Variants in PIK3AP1 observed in about 807,000 individuals in gnomAD.
PIK3AP1 encodes phosphoinositide 3-kinase adapter protein 1.
Under a neutral mutation model 88.1 loss-of-function variants are expected in PIK3AP1, and 21 were observed. That is an observed-to-expected ratio of 0.24 (90% CI 0.17 to 0.34). The LOEUF (loss-of-function observed/expected upper bound fraction) is 0.34. PIK3AP1 is among the 10% of genes least tolerant of loss of function. PIK3AP1 has a pLI of 1.00. For missense variants in PIK3AP1, 828 were observed against 1,035.7 expected (o/e 0.80, Z 2.75); for synonymous variants, 398 against 400.0 (o/e 1.00, Z 0.06).
chr10:96,609,613 G>A, intron 14 of PIK3AP1, 99 bp downstream of exon 14: 17 of 1,385,606 alleles, frequency 1.2e-5, no homozygotes, highest in Non-Finnish European at 1.7e-5. Context: ...GGCCCCACTG[G>A]AGATCTCCTG....
At chr10:96,636,236 A>C (rs1428970433) in intron 8 of PIK3AP1, among the ~76,000 whole-genome samples, 1 of 151,994 alleles carries the variant, frequency 6.6e-6, no homozygotes, top group African/African-American at 2.4e-5. Context: ...AAATAAATAA[A>C]TAAAATAATA....
At chr10:96,666,693 T>C (rs185915846) in intron 2 of PIK3AP1, among the ~76,000 whole-genome samples, 148 of 152,122 alleles carry the variant, frequency 9.7e-4, no homozygotes, top group African/African-American at 3.4e-3. Flanking sequence ...AAGTTCCCAT[T>C]TGTTAAATAT....
rs778636699 is a variant in PIK3AP1, at chr10:96,651,628, G to A, written c.736C>T (p.Leu246=). ...ACTAAGTCTCCAGAATATATCTTCA[G>A]AGAAACGTTCCCAGATGAAAGGTCT... ...APNLSSGNVS[L]KIYSGDLVVC... is the part of the protein sequence containing the mutation. The change falls in exon 5 of 17, where the codon CTG becomes TTG. Residue 246 remains leucine (L), a synonymous_variant. Coordinates refer to ENST00000339364, the MANE Select transcript of PIK3AP1 (RefSeq NM_152309.3). 2.5e-5 allele frequency: 40 copies of A among 1,614,126 alleles called. No homozygotes were observed. The highest frequency in any genetic ancestry group is 3.4e-5 in the Non-Finnish European group (40 of 1,180,002).
chr10:96,674,082 G>A (rs975514540), intron 2 of PIK3AP1, among the ~76,000 whole-genome samples: 3 of 152,172 alleles, frequency 2.0e-5, no homozygotes, highest in African/African-American at 4.8e-5. Context: ...GCTTCTTGGC[G>A]AAGGGCTTAA....
chr10:96,707,627 C>T (rs923109215), intron 2 of PIK3AP1, among the ~76,000 whole-genome samples: 2 of 152,052 alleles, frequency 1.3e-5, no homozygotes, highest in Non-Finnish European at 2.9e-5. Context: ...CAATCTGTTA[C>T]AGCGTACAGT....
chr10:96,694,654 C>G (rs12258710), intron 2 of PIK3AP1, among the ~76,000 whole-genome samples: 68,906 of 151,054 alleles, frequency 0.46, 15,917 homozygotes, highest in Middle Eastern at 0.62. Context: ...CCACCTCAGT[C>G]TCTCAAGTAG....
At chr10:96,612,986 T>A (rs1179788975) in intron 13 of PIK3AP1, among the ~76,000 whole-genome samples, 32 of 32,752 alleles carry the variant, frequency 9.8e-4, no homozygotes, top group African/African-American at 3.1e-3. Flanking sequence ...ATATATATTT[T>A]TTTTTTTTTT....
At chr10:96,597,348 C>G (rs1274022314) in intron 16 of PIK3AP1, among the ~76,000 whole-genome samples, 1 of 12,876 alleles carries the variant, frequency 7.8e-5, no homozygotes, top group East Asian at 2.9e-3. Flanking sequence ...CCCTCCCTCC[C>G]TCCCTCCCTC....
intron 3 of PIK3AP1, among the ~76,000 whole-genome samples, chr10:96,654,833 T>A (rs1843592997): frequency 2.6e-5 from 4 of 152,074 alleles, no homozygotes; most frequent in Admixed American, 6.6e-5. Flanking sequence ...GAAAGTGGCA[T>A]GGGAAGATTT....
intron 2 of PIK3AP1, among the ~76,000 whole-genome samples, chr10:96,695,021 T>C (rs937491248): frequency 6.6e-6 from 1 of 152,184 alleles, no homozygotes; most frequent in African/African-American, 2.4e-5. Flanking sequence ...CTAATTCAAG[T>C]GACTACAAAA....
intron 16 of PIK3AP1, 90 bp from the exon 17 acceptor site, chr10:96,595,724 T>A: frequency 8.0e-7 from 1 of 1,257,118 alleles, no homozygotes; most frequent in Non-Finnish European, 1.1e-6. Flanking sequence ...CTTGGTATAC[T>A]ATGCAAAGGA....
chr10:96,645,699 A>T (rs772690612), intron 7 of PIK3AP1, 37 bp from the exon 8 acceptor site: 2 of 1,543,682 alleles, frequency 1.3e-6, no homozygotes. Flanking sequence ...GCCCTGAGGC[A>T]GCCTGACTTT....
chr10:96,628,893 T>TATATACACACACAC (rs1564961270), intron 8 of PIK3AP1, among the ~76,000 whole-genome samples: 5 of 53,424 alleles, frequency 9.4e-5, no homozygotes, highest in Admixed American at 2.3e-4. Context: ...TATATACATA[T>TATATACACACACAC]ATATATATAT....
intron 2 of PIK3AP1, among the ~76,000 whole-genome samples, chr10:96,691,633 G>A (rs1844156434): frequency 6.6e-6 from 1 of 152,194 alleles, no homozygotes; most frequent in Non-Finnish European, 1.5e-5. Context: ...TTCCATCACT[G>A]ATGGCAGAAT....
intron 13 of PIK3AP1, among the ~76,000 whole-genome samples, chr10:96,611,968 A>ACC (rs1849117907): frequency 6.6e-6 from 1 of 152,204 alleles, no homozygotes; most frequent in Non-Finnish European, 1.5e-5. Context: ...CAATGCTAGG[A>ACC]ATAGTTATCA....
intron 13 of PIK3AP1, 83 bp from the exon 14 acceptor site, chr10:96,609,950 C>G: frequency 6.7e-7 from 1 of 1,493,232 alleles, no homozygotes; most frequent in South Asian, 1.1e-5. Context: ...CCTCCACCTG[C>G]CTCTCTCACA....
At chr10:96,641,036 T>C (rs1397046520) in intron 8 of PIK3AP1, among the ~76,000 whole-genome samples, 1 of 151,930 alleles carries the variant, frequency 6.6e-6, no homozygotes, top group East Asian at 1.9e-4. Flanking sequence ...ACAAGACACG[T>C]AGTTACCACC....
At chr10:96,662,247 G>T (rs1172383284) in intron 2 of PIK3AP1, among the ~76,000 whole-genome samples, 1 of 152,074 alleles carries the variant, frequency 6.6e-6, no homozygotes, top group African/African-American at 2.4e-5. Flanking sequence ...GCAATAAAGA[G>T]AAATAAATTT....
At chr10:96,616,336 G>A (rs1849214822) in intron 13 of PIK3AP1, among the ~76,000 whole-genome samples, 1 of 152,242 alleles carries the variant, frequency 6.6e-6, no homozygotes, top group Non-Finnish European at 1.5e-5. Context: ...GGGAGAGTCA[G>A]ATGTCTGCAG....
Sources: gnomAD v4.1 joint callset for allele counts (sites outside exome capture counted in the v4.1 genomes callset) on GRCh38, gnomAD v4.1.1 for gene constraint, MANE v1.5 for transcripts, NCBI Gene and HGNC (gene_info 2026-07-23, HGNC 2026-07-21) for gene names.